The following PRSS55 variants were observed in gnomAD, a reference collection of about 807,000 sequenced individuals.
PRSS55 encodes the protein probable serine protease UNQ9391/PRO34284.
PRSS55 carries 41 observed loss-of-function variants against 23.6 expected under a neutral mutation model. The observed-to-expected ratio is 1.74, with a 90% CI of 1.35 to 2.26. PRSS55 has a LOEUF of 2.26. Among genes scored for constraint, PRSS55 ranks in the 30% most tolerant of loss-of-function variants. The pLI, the probability that PRSS55 is intolerant of heterozygous loss-of-function variation, is 0.00. For synonymous variants in PRSS55, 262 were observed against 175.5 expected (o/e 1.49, Z -3.90); for missense variants, 669 against 439.1 (o/e 1.52, Z -4.68).
intron 1 of PRSS55, among the ~76,000 whole-genome samples, chr8:10,528,870 C>T (rs35680856): frequency 0.26 from 39,847 of 152,116 alleles, 5,353 homozygotes; most frequent in Admixed American, 0.32. Context: ...CTAGAAACTT[C>T]TCTGGGCCCC....
At chr8:10,542,702 A>C (rs536991216), downstream of PRSS55, among the ~76,000 whole-genome samples, 7 of 146,634 alleles carry the variant, frequency 4.8e-5, no homozygotes, top group Non-Finnish European at 9.1e-5. Flanking sequence ...ACCCCATCTC[A>C]ACTAAAAATA....
Position 10,532,907 on chromosome 8 carries a change from T to A in PRSS55, c.600T>A (p.Ala200=), listed in dbSNP as rs745915958. 6.2e-7 allele frequency: 1 copy of A among 1,614,184 alleles called. No individual in the cohort carries two copies. Among genetic ancestry groups the A allele is most frequent in the Non-Finnish European group, 8.5e-7 (1 of 1,180,032 alleles). The change falls in exon 4 of 5, where the codon GCT becomes GCA. Residue 200 remains alanine (A), a splice_region_variant and synonymous_variant. Coordinates refer to ENST00000328655, the MANE Select transcript of PRSS55 (RefSeq NM_198464.4). ...WVAGWGQTNA[A]DKNSVKTDLM... The stretch of plus-strand genomic sequence containing the variant: ...TAATGCGCTTTCTCTCTGGGCCAGC[T>A]GACAAAAACTCTGTGAAAACGGATC...
At chr8:10,546,033 G>T (rs1440745021) in intron 4 of PRSS55, among the ~76,000 whole-genome samples, 1 of 152,096 alleles carries the variant, frequency 6.6e-6, no homozygotes, top group Non-Finnish European at 1.5e-5. Flanking sequence ...GGCACAGATG[G>T]GGAGAGGAAG....
At chr8:10,554,100 A>G in exon 5 of PRSS55, 1 of 1,036,726 alleles carries the variant, frequency 9.6e-7, no homozygotes, top group East Asian at 2.7e-5. Context: ...CATAGCCTTG[A>G]GTTGAAAATC....
downstream of PRSS55, among the ~76,000 whole-genome samples, chr8:10,543,481 T>TTTTCTTTTCTTTC (rs1563547453): frequency 1.7e-3 from 33 of 19,792 alleles, 2 homozygotes; most frequent in Middle Eastern, 0.026. Flanking sequence ...TCTTTCTCTC[T>TTTTCTTTTCTTTC]TTTTTTTTTT....
intron 4 of PRSS55, among the ~76,000 whole-genome samples, chr8:10,549,510 G>T (rs1416599962): frequency 1.3e-5 from 2 of 152,204 alleles, no homozygotes. Context: ...CCAGCACACT[G>T]GGGGTCACAC....
chr8:10,530,695 C>T (rs1169515671), intron 2 of PRSS55, among the ~76,000 whole-genome samples: 2 of 152,104 alleles, frequency 1.3e-5, no homozygotes, highest in Non-Finnish European at 2.9e-5. Flanking sequence ...AGTTTGAAGA[C>T]ACACACACTG....
At chr8:10,543,850 T>C (rs933781104) in intron 4 of PRSS55, among the ~76,000 whole-genome samples, 5 of 152,162 alleles carry the variant, frequency 3.3e-5, no homozygotes, top group African/African-American at 1.2e-4. Flanking sequence ...TCTTCTGTTA[T>C]TTATTTCTAA....
intron 2 of PRSS55, among the ~76,000 whole-genome samples, chr8:10,530,787 A>T (rs1251119384): frequency 1.3e-5 from 2 of 152,176 alleles, no homozygotes; most frequent in Non-Finnish European, 2.9e-5. Context: ...CTGTCGTGGG[A>T]TATCAAATAT....
intron 2 of PRSS55, among the ~76,000 whole-genome samples, 168 bp downstream of exon 2, chr8:10,529,867 G>T (rs1265034456): frequency 6.6e-6 from 1 of 152,186 alleles, no homozygotes; most frequent in Admixed American, 6.5e-5. Flanking sequence ...GGGACGTGGA[G>T]GTAGCCAGCC....
chr8:10,532,816 G>T, intron 3 of PRSS55, 90 bp from the exon 4 acceptor site: 1 of 1,528,176 alleles, frequency 6.5e-7, no homozygotes, highest in Non-Finnish European at 8.9e-7. Context: ...GGGGCTGGGG[G>T]ACACAGGGCC....
intron 4 of PRSS55, among the ~76,000 whole-genome samples, chr8:10,548,547 G>A (rs1163313982): frequency 6.6e-6 from 1 of 152,182 alleles, no homozygotes; most frequent in East Asian, 1.9e-4. Context: ...CCCTCACTCT[G>A]AGGCTGGGGT....
chr8:10,529,813 C>T (rs763605889), intron 2 of PRSS55, 114 bp downstream of exon 2: 38 of 1,061,718 alleles, frequency 3.6e-5, no homozygotes, highest in African/African-American at 9.5e-5. Context: ...GGTATCCAGT[C>T]GGCATGAATG....
intron 4 of PRSS55, among the ~76,000 whole-genome samples, chr8:10,549,115 C>A (rs574046838): frequency 4.6e-5 from 7 of 152,310 alleles, no homozygotes; most frequent in African/African-American, 1.7e-4. Context: ...CATTCGCTTA[C>A]CCTGGTCTAG....
intron 4 of PRSS55, among the ~76,000 whole-genome samples, chr8:10,536,992 A>G (rs1381931089): frequency 1.3e-5 from 2 of 152,344 alleles, no homozygotes; most frequent in South Asian, 2.1e-4. Context: ...CTCACATAAC[A>G]AATCTGCTCA....
chr8:10,543,438 TCCTTCCATCCTTCCTTCCTTCC>T (rs1563547275), downstream of PRSS55, among the ~76,000 whole-genome samples: 548 of 22,028 alleles, frequency 0.025, 7 homozygotes, highest in South Asian at 0.11. Flanking sequence ...CTTCCTTCCT[TCCTTCCATCCTTCCTTCCTTCC>T]TTCCTTTCTT....
intron 4 of PRSS55, among the ~76,000 whole-genome samples, chr8:10,536,209 A>G (rs1156725736): frequency 1.3e-5 from 2 of 152,154 alleles, no homozygotes; most frequent in East Asian, 3.9e-4. Context: ...ACATGAACAG[A>G]CACTTCTCAA....
At position 10,552,827 on chromosome 8, in the gene PRSS55, A is replaced by G. The variant is rs1344896173; in HGVS notation, c.742-1116A>G. Among the ~76,000 whole-genome samples, 3 of 152,256 alleles carry G rather than the reference A, an allele frequency of 2.0e-5. No individual in the cohort carries two copies. The East Asian group carries it at 5.8e-4, about 29-fold the overall frequency. ...GTTTGTACTCCATTGGTAGGAATGT[A>G]AATTAATACAACCAAAATGGGGAAC... On this transcript the variant is annotated intron_variant, in intron 4 of 4. Transcript: ENST00000522210.
chr8:10,527,614 G>A (rs567802113), intron 1 of PRSS55, among the ~76,000 whole-genome samples: 21 of 152,352 alleles, frequency 1.4e-4, no homozygotes, highest in African/African-American at 4.6e-4. Flanking sequence ...TAGCTGCCTG[G>A]GGAAGAATAT....
Sources: allele counts gnomAD v4.1 joint callset (sites outside exome capture counted in the v4.1 genomes callset), GRCh38; gene constraint gnomAD v4.1.1; transcripts MANE v1.5; gene names NCBI Gene and HGNC (gene_info 2026-07-23, HGNC 2026-07-21).